Variants in VWC2L observed in about 807,000 individuals in gnomAD.
VWC2L encodes von Willebrand factor C domain containing 2 like.
Under a neutral mutation model 21.6 loss-of-function variants are expected in VWC2L, and 10 were observed. The ratio of observed to expected loss-of-function variants is 0.46; its 90% confidence interval spans 0.29 to 0.78. The LOEUF is 0.78. Ranked by LOEUF, VWC2L falls within the 30% of genes least tolerant of loss-of-function variation. The pLI is 0.10. For synonymous variants in VWC2L, 96 were observed against 94.3 expected, an observed-to-expected ratio of 1.02 and a Z score of -0.10; for missense variants, 209 against 277.1, an observed-to-expected ratio of 0.75 and a Z score of 1.74.
chr2:214,499,592 T>C (rs1486218428), intron 3 of VWC2L, among the ~76,000 whole-genome samples: 2 of 152,102 alleles, frequency 1.3e-5, no homozygotes, highest in Non-Finnish European at 2.9e-5. Flanking sequence ...ACAAGGCACA[T>C]GTATACATAT....
intron 3 of VWC2L, among the ~76,000 whole-genome samples, chr2:214,492,210 C>A (rs937265833): frequency 3.9e-5 from 6 of 151,990 alleles, no homozygotes; most frequent in Middle Eastern, 6.8e-3. Flanking sequence ...CATGGGGTGA[C>A]CCACTAAATA....
chr2:214,485,245 G>A (rs557951745), intron 3 of VWC2L, among the ~76,000 whole-genome samples: 1 of 152,224 alleles, frequency 6.6e-6, no homozygotes, highest in African/African-American at 2.4e-5. Flanking sequence ...CTCGAACCTA[G>A]GAGGCAGAGG....
intron 3 of VWC2L, among the ~76,000 whole-genome samples, chr2:214,547,546 A>G (rs760097663): frequency 3.9e-5 from 6 of 152,196 alleles, no homozygotes; most frequent in Non-Finnish European, 8.8e-5. Context: ...AGATGCAACA[A>G]TTAATTTAAT....
intron 3 of VWC2L, among the ~76,000 whole-genome samples, chr2:214,569,709 A>G (rs968830428): frequency 4.6e-5 from 7 of 151,960 alleles, no homozygotes; most frequent in African/African-American, 1.2e-4. Flanking sequence ...CAGCCACTCA[A>G]TGGCTCCTCA....
chr2:214,482,661 A>AT (rs879320217), intron 3 of VWC2L, among the ~76,000 whole-genome samples: 9 of 148,616 alleles, frequency 6.1e-5, no homozygotes, highest in African/African-American at 2.2e-4. Flanking sequence ...ATATATATAT[A>AT]TATTTTTTTT....
At chr2:214,569,913 G>C (rs1011280366) in intron 3 of VWC2L, among the ~76,000 whole-genome samples, 1 of 152,132 alleles carries the variant, frequency 6.6e-6, no homozygotes, top group Non-Finnish European at 1.5e-5. Context: ...TAACCAGGGT[G>C]GCTATCAACT....
At chr2:214,563,920 T>C (rs1258268202) in intron 3 of VWC2L, among the ~76,000 whole-genome samples, 1 of 152,148 alleles carries the variant, frequency 6.6e-6, no homozygotes, top group African/African-American at 2.4e-5. Context: ...ACTGATGACA[T>C]GATCCTATAT....
At chr2:214,569,563 A>T (rs546512471) in intron 3 of VWC2L, among the ~76,000 whole-genome samples, 1 of 152,190 alleles carries the variant, frequency 6.6e-6, no homozygotes, top group Non-Finnish European at 1.5e-5. Context: ...ATTCCTGAAG[A>T]GTTAACTATT....
chr2:214,500,378 T>C (rs1474779856), intron 3 of VWC2L, among the ~76,000 whole-genome samples: 1 of 152,248 alleles, frequency 6.6e-6, no homozygotes, highest in African/African-American at 2.4e-5. Flanking sequence ...ACAAGGGCTC[T>C]ATGGTATCAT....
At chr2:214,548,602 A>T (rs1028791325) in intron 3 of VWC2L, among the ~76,000 whole-genome samples, 4 of 152,320 alleles carry the variant, frequency 2.6e-5, no homozygotes, top group African/African-American at 9.6e-5. Context: ...CTAAAGGTAG[A>T]CCACAAATGC....
chr2:214,565,763 G>A (rs1043683798), intron 3 of VWC2L, among the ~76,000 whole-genome samples: 4 of 152,136 alleles, frequency 2.6e-5, no homozygotes, highest in Non-Finnish European at 4.4e-5. Flanking sequence ...CCTACTGTGT[G>A]ACAGGAACTG....
chr2:214,484,065 T>C (rs557799007), intron 3 of VWC2L, among the ~76,000 whole-genome samples: 1 of 152,162 alleles, frequency 6.6e-6, no homozygotes, highest in Admixed American at 6.5e-5. Context: ...TTCCTTGGCT[T>C]GCATCACTCC....
chr2:214,487,618 T>C (rs201311948), intron 3 of VWC2L, among the ~76,000 whole-genome samples: 1 of 152,054 alleles, frequency 6.6e-6, no homozygotes, highest in Non-Finnish European at 1.5e-5. Context: ...TAAGAATGAA[T>C]AGAAGTAAGC....
chr2:214,547,147 CA>C (rs367966702), intron 3 of VWC2L, among the ~76,000 whole-genome samples: 1 of 151,802 alleles, frequency 6.6e-6, no homozygotes, highest in African/African-American at 2.4e-5. Context: ...AATATATATG[CA>C]GAAGTAAACT....
chr2:214,452,322 T>C (rs990083149), intron 3 of VWC2L, among the ~76,000 whole-genome samples: 1 of 152,172 alleles, frequency 6.6e-6, no homozygotes, highest in Admixed American at 6.6e-5. Context: ...GCTTGGCTAA[T>C]TTTTTGTAAA....
rs1690252242 is a variant in VWC2L, at chr2:214,577,554, A to G, written c.*1734A>G. Reference sequence around the variant, plus strand: ...TAGAGTGGTTTCTGGCAGGGGACACAGTAGGCAAGCTCTAGCAGCACCTGT... The same window carrying G: ...TAGAGTGGTTTCTGGCAGGGGACACGGTAGGCAAGCTCTAGCAGCACCTGT... On this transcript the variant is annotated 3_prime_UTR_variant, in exon 4 of 4. Coordinates refer to ENST00000312504, the MANE Select transcript of VWC2L (RefSeq NM_001080500.4). 1 of 152,292 alleles carries G rather than the reference A, an allele frequency of 6.6e-6. No homozygotes were observed. The highest frequency in any genetic ancestry group is 1.5e-5 in the Non-Finnish European group (1 of 68,138). 9.4% of individuals were successfully genotyped at this position (152,292 alleles called of 1,614,324 possible).
chr2:214,499,068 G>C (rs1238781270), intron 3 of VWC2L, among the ~76,000 whole-genome samples: 2 of 133,816 alleles, frequency 1.5e-5, no homozygotes, highest in African/African-American at 5.9e-5. Context: ...ACCCAGGCTA[G>C]AGTGCAGTGG....
chr2:214,439,917 A>G (rs1039639001), intron 3 of VWC2L, among the ~76,000 whole-genome samples: 1 of 151,960 alleles, frequency 6.6e-6, no homozygotes, highest in Non-Finnish European at 1.5e-5. Flanking sequence ...ATATTTTAAT[A>G]TTATAAAGTG....
intron 3 of VWC2L, among the ~76,000 whole-genome samples, chr2:214,521,250 A>G (rs1326961938): frequency 1.4e-5 from 2 of 147,968 alleles, no homozygotes; most frequent in African/African-American, 2.5e-5. Context: ...TAAATAAATA[A>G]ATAAATAAAT....
Sources: allele counts gnomAD v4.1 joint callset (sites outside exome capture counted in the v4.1 genomes callset), GRCh38; gene constraint gnomAD v4.1.1; transcripts MANE v1.5; gene names NCBI Gene and HGNC (gene_info 2026-07-23, HGNC 2026-07-21).